Variants in CNTNAP2 observed in about 807,000 individuals in gnomAD.
CNTNAP2 encodes contactin-associated protein-like 2.
In CNTNAP2, 98 loss-of-function variants were observed where a neutral mutation model predicts 155.2. The observed-to-expected ratio is 0.63, with a 90% CI of 0.54 to 0.75. The LOEUF is 0.75. Among genes scored for constraint, CNTNAP2 ranks in the 30% least tolerant of loss-of-function variants. CNTNAP2 has a pLI of 0.00. For missense variants in CNTNAP2, 1,727 were observed against 1,688.1 expected (o/e 1.02, Z -0.40); for synonymous variants, 651 against 631.2 (o/e 1.03, Z -0.47).
At chr7:148,109,257 G>T (rs777760384) in intron 15 of CNTNAP2, among the ~76,000 whole-genome samples, 12 of 152,190 alleles carry the variant, frequency 7.9e-5, no homozygotes, top group Admixed American at 3.3e-4. Flanking sequence ...TATAAAAGAG[G>T]TTCCACTGTT....
intron 3 of CNTNAP2, among the ~76,000 whole-genome samples, chr7:147,033,152 ATATATATG>A (rs61393983): frequency 1.5e-3 from 104 of 71,664 alleles, no homozygotes; most frequent in African/African-American, 5.6e-3. Context: ...TGCTGCATAT[ATATATATG>A]TATATATATA....
intron 4 of CNTNAP2, among the ~76,000 whole-genome samples, chr7:147,074,619 T>C (rs1799961128): frequency 6.6e-6 from 1 of 152,198 alleles, no homozygotes; most frequent in African/African-American, 2.4e-5. Flanking sequence ...GTTCTATTTA[T>C]AAGTAGAATG....
intron 8 of CNTNAP2, among the ~76,000 whole-genome samples, chr7:147,163,076 G>A (rs998404889): frequency 6.6e-6 from 1 of 152,144 alleles, no homozygotes; most frequent in Non-Finnish European, 1.5e-5. Context: ...GTGAAGGAAA[G>A]CCAGGGAAAT....
intron 12 of CNTNAP2, among the ~76,000 whole-genome samples, chr7:147,603,425 T>C (rs1237212622): frequency 8.5e-5 from 13 of 152,086 alleles, no homozygotes; most frequent in Admixed American, 3.9e-4. Flanking sequence ...TATACACCAA[T>C]AACAGACAAA....
At chr7:146,334,837 G>A (rs945095443) in intron 1 of CNTNAP2, among the ~76,000 whole-genome samples, 2 of 152,268 alleles carry the variant, frequency 1.3e-5, no homozygotes, top group Admixed American at 6.5e-5. Flanking sequence ...TCAGTTATCA[G>A]TATTATTCCT....
At chr7:148,123,434 A>C (rs1251109086) in intron 16 of CNTNAP2, among the ~76,000 whole-genome samples, 11 of 152,068 alleles carry the variant, frequency 7.2e-5, no homozygotes, top group African/African-American at 2.7e-4. Context: ...CAAAACTAAA[A>C]ATAAAACATT....
chr7:146,810,359 A>G (rs1440482192), intron 2 of CNTNAP2, among the ~76,000 whole-genome samples: 2 of 135,700 alleles, frequency 1.5e-5, no homozygotes, highest in Non-Finnish European at 3.2e-5. Flanking sequence ...CTTCTTCAAT[A>G]TTTAATCTGT....
intron 1 of CNTNAP2, among the ~76,000 whole-genome samples, chr7:146,353,218 A>G (rs1000862744): frequency 6.6e-5 from 10 of 152,148 alleles, no homozygotes; most frequent in African/African-American, 2.4e-4. Context: ...CGTACATATT[A>G]ATGCCTCCTC....
chr7:147,890,475 C>T lies in CNTNAP2; in HGVS notation c.2099-13090C>T, dbSNP rs2708254. Among the ~76,000 whole-genome samples the T allele has an allele frequency of 4.6e-3, 695 of 152,280 alleles. 3 individuals are homozygous for T. The highest frequency in any genetic ancestry group is 0.016 in the African/African-American group (663 of 41,570). On this transcript the variant is annotated intron_variant, in intron 13 of 23. Transcript: ENST00000361727. ...AAAATAGAACTCCCATATGATCCAGCCATCTCTCTACCTGCTATGTATTTT... is the reference window on the plus strand; with the variant it reads ...AAAATAGAACTCCCATATGATCCAGTCATCTCTCTACCTGCTATGTATTTT...
At chr7:147,847,877 CT>C (rs1334066935) in intron 13 of CNTNAP2, among the ~76,000 whole-genome samples, 1 of 111,186 alleles carries the variant, frequency 9.0e-6, no homozygotes, top group Non-Finnish European at 1.8e-5. Context: ...CAGTGTGCCC[CT>C]GCTGGGGGGT....
chr7:147,905,711 C>T (rs1289671930), intron 14 of CNTNAP2, among the ~76,000 whole-genome samples: 2 of 152,132 alleles, frequency 1.3e-5, no homozygotes, highest in African/African-American at 4.8e-5. Flanking sequence ...GGCAAAACCC[C>T]GTCTCTACTA....
intron 15 of CNTNAP2, among the ~76,000 whole-genome samples, chr7:148,035,721 C>G (rs574696781): frequency 6.6e-6 from 1 of 152,154 alleles, no homozygotes; most frequent in Non-Finnish European, 1.5e-5. Context: ...GGGGGTAGGG[C>G]AAACCCCACA....
At chr7:147,498,011 A>C (rs151295100) in intron 11 of CNTNAP2, among the ~76,000 whole-genome samples, 14 of 152,292 alleles carry the variant, frequency 9.2e-5, no homozygotes, top group African/African-American at 3.4e-4. Context: ...TTCCCACAGC[A>C]TAGCAGTTCC....
intron 1 of CNTNAP2, among the ~76,000 whole-genome samples, chr7:146,528,919 T>C (rs1797729197): frequency 6.6e-6 from 1 of 151,908 alleles, no homozygotes; most frequent in South Asian, 2.1e-4. Context: ...AAAATATAAA[T>C]AATATATCAA....
intron 12 of CNTNAP2, among the ~76,000 whole-genome samples, chr7:147,585,072 T>G (rs1037550275): frequency 1.3e-4 from 20 of 152,160 alleles, no homozygotes; most frequent in African/African-American, 4.8e-4. Flanking sequence ...GTCTGCACTT[T>G]CCTATTTGAC....
At chr7:148,372,853 G>A (rs1208879109) in intron 21 of CNTNAP2, among the ~76,000 whole-genome samples, 3 of 151,940 alleles carry the variant, frequency 2.0e-5, no homozygotes, top group Non-Finnish European at 4.4e-5. Flanking sequence ...ACATTATACA[G>A]CTGTAAAAAA....
intron 1 of CNTNAP2, among the ~76,000 whole-genome samples, chr7:146,219,288 G>A (rs1439622773): frequency 6.6e-6 from 1 of 152,152 alleles, no homozygotes; most frequent in East Asian, 1.9e-4. Flanking sequence ...ATATCAGTAA[G>A]CTAATGAATA....
intron 8 of CNTNAP2, among the ~76,000 whole-genome samples, chr7:147,197,501 T>A (rs1802831476): frequency 6.6e-6 from 1 of 152,174 alleles, no homozygotes; most frequent in Admixed American, 6.5e-5. Context: ...AGGAGTAATA[T>A]TAGAGCTATC....
chr7:147,594,024 G>T (rs1271694183), intron 12 of CNTNAP2, among the ~76,000 whole-genome samples: 1 of 151,738 alleles, frequency 6.6e-6, no homozygotes, highest in African/African-American at 2.4e-5. Flanking sequence ...GCAGGGGTTG[G>T]TTTCAACATG....
Sources: gnomAD v4.1 joint callset for allele counts (sites outside exome capture counted in the v4.1 genomes callset) on GRCh38, gnomAD v4.1.1 for gene constraint, MANE v1.5 for transcripts, NCBI Gene and HGNC (gene_info 2026-07-23, HGNC 2026-07-21) for gene names.